The following ROBO1 variants were observed in gnomAD, a reference collection of about 807,000 sequenced individuals.
The protein encoded by ROBO1 is roundabout guidance receptor 1, also known as roundabout homolog 1.
In ROBO1, 149 loss-of-function variants were observed where a neutral mutation model predicts 195.9. That is an observed-to-expected ratio of 0.76 (90% CI 0.67 to 0.87). ROBO1 has a LOEUF of 0.87. ROBO1 is among the 40% of genes least tolerant of loss of function. ROBO1 has a pLI of 0.00. For synonymous variants in ROBO1, 816 were observed against 733.2 expected, an observed-to-expected ratio of 1.11 and a Z score of -1.82; for missense variants, 1,933 against 2,068.3, an observed-to-expected ratio of 0.93 and a Z score of 1.27.
At chr3:79,151,511 A>ACCAGTATC (rs147961346) in intron 2 of ROBO1, among the ~76,000 whole-genome samples, 10,708 of 151,764 alleles carry the variant, frequency 0.071, 414 homozygotes, top group Middle Eastern at 0.11. Context: ...TAGCCCTCTA[A>ACCAGTATC]CCAGCCTCTA....
Position 79,355,707 on chromosome 3 carries a change from A to G in ROBO1, c.89-230168T>C, listed in dbSNP as rs192766896. ...TATTCCACCGAAAATAATGCCCTCC[A>G]GGTTCATCCATGTCGCTGCAAATTA... On this transcript the variant is annotated intron_variant, in intron 2 of 30. Coordinates refer to ENST00000464233, the MANE Select transcript of ROBO1 (RefSeq NM_002941.4). 1.4e-3 allele frequency among the ~76,000 whole-genome samples: 216 copies of G among 152,264 alleles called. 1 individual carries two copies. The highest frequency in any genetic ancestry group is 4.9e-3 in the African/African-American group (205 of 41,552).
chr3:78,617,565 A>G (rs1704185037), intron 27 of ROBO1, 70 bp downstream of exon 27: 5 of 1,472,022 alleles, frequency 3.4e-6, no homozygotes, highest in Non-Finnish European at 4.6e-6. Context: ...AGATCATAGG[A>G]CAGAATCAGC....
At position 79,028,092 on chromosome 3, in the gene ROBO1, T is replaced by A. The variant is rs139687368; in HGVS notation, c.173-89165A>T. 3.6e-3 allele frequency among the ~76,000 whole-genome samples: 549 copies of A among 152,200 alleles called. 7 individuals carry two copies. Among genetic ancestry groups the A allele is most frequent in the African/African-American group, 0.012 (509 of 41,588 alleles). On this transcript the variant is annotated intron_variant, in intron 3 of 30. Transcript: ENST00000464233. ...TTAAGCATACATACTAAAAGTAGTA[T>A]GGCTGATAGCCTTATATTCAGATGC...
intron 2 of ROBO1, among the ~76,000 whole-genome samples, chr3:79,404,138 T>A (rs1479288372): frequency 6.6e-6 from 1 of 152,068 alleles, no homozygotes; most frequent in East Asian, 1.9e-4. Flanking sequence ...ACAGCTGAGT[T>A]CAGCTGTTTT....
intron 3 of ROBO1, among the ~76,000 whole-genome samples, chr3:78,977,612 T>TA (rs991891276): frequency 1.7e-4 from 26 of 149,786 alleles, no homozygotes; most frequent in Middle Eastern, 3.6e-3. Flanking sequence ...ATATATATTT[T>TA]AAAAAAAAAG....
chr3:78,799,406 A>G (rs983331926), intron 4 of ROBO1, among the ~76,000 whole-genome samples: 2 of 152,022 alleles, frequency 1.3e-5, no homozygotes, highest in Non-Finnish European at 2.9e-5. Context: ...CAGTGGCACA[A>G]TCTCGGCTCA....
chr3:79,372,444 C>G (rs757148983), intron 2 of ROBO1, among the ~76,000 whole-genome samples: 3 of 151,932 alleles, frequency 2.0e-5, no homozygotes, highest in African/African-American at 4.8e-5. Context: ...CTCTTGATCT[C>G]GTGATCTGCC....
At position 79,405,350 on chromosome 3, in the gene ROBO1, G is replaced by T. The variant is rs540228996; in HGVS notation, c.88+184474C>A. 4.6e-5 allele frequency among the ~76,000 whole-genome samples: 7 copies of T among 152,292 alleles called. No homozygotes were observed. In the South Asian group the frequency reaches 1.5e-3, roughly 32 times the overall value. On this transcript the variant is annotated intron_variant, in intron 2 of 30. Transcript: ENST00000464233. The stretch of plus-strand genomic sequence containing the variant: ...AAATAAATATTTGCTCTACAAAGAG[G>T]TCAGTGACAATTGTATGTTATGACA...
At chr3:79,139,510 C>G (rs1435893467) in intron 2 of ROBO1, among the ~76,000 whole-genome samples, 1 of 152,106 alleles carries the variant, frequency 6.6e-6, no homozygotes, top group Non-Finnish European at 1.5e-5. Flanking sequence ...TTAAGAAAGT[C>G]ATGGAGGTTG....
chr3:79,408,494 G>T (rs980843155), intron 2 of ROBO1, among the ~76,000 whole-genome samples: 3 of 151,944 alleles, frequency 2.0e-5, no homozygotes, highest in African/African-American at 7.2e-5. Flanking sequence ...TATTGGTGCA[G>T]AAATAAACAT....
chr3:79,326,473 T>C (rs1025080332), intron 2 of ROBO1, among the ~76,000 whole-genome samples: 2 of 151,932 alleles, frequency 1.3e-5, no homozygotes, highest in Non-Finnish European at 2.9e-5. Flanking sequence ...TTAGGAAAAA[T>C]AGAAAAGAAC....
chr3:79,055,409 A>C (rs894296219), intron 3 of ROBO1, among the ~76,000 whole-genome samples: 3 of 152,084 alleles, frequency 2.0e-5, no homozygotes, highest in Non-Finnish European at 4.4e-5. Flanking sequence ...TTGAGGGCTG[A>C]TGTTTCTATT....
At chr3:79,251,478 C>T (rs1199654272) in intron 2 of ROBO1, among the ~76,000 whole-genome samples, 2 of 152,058 alleles carry the variant, frequency 1.3e-5, no homozygotes, top group African/African-American at 2.4e-5. Flanking sequence ...CCAGGCTGGG[C>T]GCTGTGGCTC....
chr3:78,809,743 G>GCAGCCACAA (rs1287990167), intron 4 of ROBO1, among the ~76,000 whole-genome samples: 4 of 151,904 alleles, frequency 2.6e-5, no homozygotes, highest in Admixed American at 6.6e-5. Flanking sequence ...CACAGAAACA[G>GCAGCCACAA]AAAACCAAAC....
chr3:79,355,851 G>A (rs184419557), intron 2 of ROBO1, among the ~76,000 whole-genome samples: 7 of 152,280 alleles, frequency 4.6e-5, no homozygotes, highest in Admixed American at 3.9e-4. Flanking sequence ...TGGGTATTGT[G>A]AAGAGTGCTA....
intron 8 of ROBO1, among the ~76,000 whole-genome samples, chr3:78,712,945 C>T (rs1424402176): frequency 1.3e-5 from 2 of 152,134 alleles, no homozygotes; most frequent in East Asian, 3.9e-4. Flanking sequence ...GACAGTCAAC[C>T]TCCTTATCAC....
intron 1 of ROBO1, among the ~76,000 whole-genome samples, chr3:79,760,910 C>G (rs1328023589): frequency 1.3e-5 from 2 of 151,450 alleles, no homozygotes; most frequent in Non-Finnish European, 2.9e-5. Context: ...AATTTCACTT[C>G]TAGGCAAATA....
chr3:79,625,209 G>A (rs1945129765), intron 1 of ROBO1, among the ~76,000 whole-genome samples: 1 of 151,506 alleles, frequency 6.6e-6, no homozygotes, highest in Non-Finnish European at 1.5e-5. Context: ...AGTATTAAGG[G>A]TGAAATTTAT....
chr3:78,678,277 G>C (rs1162973668), intron 10 of ROBO1, among the ~76,000 whole-genome samples: 2 of 150,224 alleles, frequency 1.3e-5, no homozygotes, highest in Admixed American at 6.6e-5. Flanking sequence ...AGAAAAGCAA[G>C]AGCAAACACA....
Sources: allele counts gnomAD v4.1 joint callset (sites outside exome capture counted in the v4.1 genomes callset), GRCh38; gene constraint gnomAD v4.1.1; transcripts MANE v1.5; gene names NCBI Gene and HGNC (gene_info 2026-07-23, HGNC 2026-07-21).